Variants in ZNF280B observed in about 807,000 individuals in gnomAD.
The protein encoded by ZNF280B is zinc finger protein 280B.
A neutral mutation model predicts 38.0 loss-of-function variants in ZNF280B; 16 were observed. The observed-to-expected ratio is 0.42, with a 90% confidence interval of 0.28 to 0.64. The LOEUF (loss-of-function observed/expected upper bound fraction) is 0.64. Ranked by LOEUF, ZNF280B falls within the 30% of genes least tolerant of loss-of-function variation. The pLI, the probability that ZNF280B is intolerant of heterozygous loss-of-function variation, is 0.21. For synonymous variants in ZNF280B, 253 were observed against 230.6 expected (o/e 1.10, Z -0.88); for missense variants, 581 against 639.6 (o/e 0.91, Z 0.99).
intron 2 of ZNF280B, among the ~76,000 whole-genome samples, chr22:22,504,823 A>G (rs1453909421): frequency 6.6e-6 from 1 of 152,102 alleles, no homozygotes; most frequent in East Asian, 2.0e-4. Flanking sequence ...GAGAAAGGGA[A>G]GCATCAAGGT....
intron 3 of ZNF280B, among the ~76,000 whole-genome samples, chr22:22,491,338 T>A (rs1176263365): frequency 6.0e-5 from 9 of 150,460 alleles, no homozygotes; most frequent in South Asian, 2.1e-4. Context: ...AACCAATAGT[T>A]TAAAAAAAAA....
chr22:22,504,349 C>T (rs953810219), intron 2 of ZNF280B, among the ~76,000 whole-genome samples: 1 of 151,334 alleles, frequency 6.6e-6, no homozygotes, highest in Non-Finnish European at 1.5e-5. Context: ...ATTGCTTGAA[C>T]CCGGGAGGCA....
chr22:22,504,670 A>T (rs540784132), intron 2 of ZNF280B, among the ~76,000 whole-genome samples: 1 of 151,970 alleles, frequency 6.6e-6, no homozygotes, highest in Non-Finnish European at 1.5e-5. Context: ...GATGTTTGCT[A>T]TTTTAGTGGA....
intron 2 of ZNF280B, among the ~76,000 whole-genome samples, chr22:22,506,705 T>C (rs531839013): frequency 6.6e-6 from 1 of 152,032 alleles, no homozygotes; most frequent in African/African-American, 2.4e-5. Flanking sequence ...AACTTAACCC[T>C]AGACAAAGAG....
At position 22,485,622 on chromosome 22, in the gene ZNF280B, A is replaced by G. The variant is rs1421027027; in HGVS notation, c.*2145T>C. ...TTCTTTGTTATCTGTACTGCCTTCT[A>G]CTCTAAGAGGGATGCTAAGCTCTTA... On this transcript the variant is annotated 3_prime_UTR_variant, in exon 4 of 4. Transcript: ENST00000626650. 2 of 151,910 alleles carry G rather than the reference A, an allele frequency of 1.3e-5. No individual in the cohort carries two copies. Among genetic ancestry groups the G allele is most frequent in the Non-Finnish European group, 2.9e-5 (2 of 68,004 alleles). The allele number at this position is 151,910 out of a possible 1,614,324, so 9.4% of individuals were successfully genotyped here.
intron 3 of ZNF280B, 83 bp downstream of exon 3, chr22:22,493,980 G>A (rs2061647529): frequency 6.6e-6 from 1 of 151,684 alleles, no homozygotes; most frequent in Non-Finnish European, 1.5e-5. Flanking sequence ...GTGGCTTTGG[G>A]TAATAATCAG....
chr22:22,491,277 C>T (rs2061588212), intron 3 of ZNF280B, among the ~76,000 whole-genome samples: 1 of 151,504 alleles, frequency 6.6e-6, no homozygotes, highest in Admixed American at 6.6e-5. Flanking sequence ...ATTGGAAATT[C>T]CGTAGGCCAA....
intron 2 of ZNF280B, among the ~76,000 whole-genome samples, chr22:22,495,772 C>G (rs1436599436): frequency 6.6e-6 from 1 of 151,730 alleles, no homozygotes; most frequent in African/African-American, 2.4e-5. Context: ...AGTTACTCCC[C>G]TCCTAGACTC....
intron 3 of ZNF280B, among the ~76,000 whole-genome samples, chr22:22,492,515 A>G (rs73878496): frequency 0.02 from 3,030 of 152,006 alleles, 114 homozygotes; most frequent in African/African-American, 0.068. Context: ...CCCAAATCCA[A>G]TCTTCTCAGG....
chr22:22,499,014 T>A (rs1270281664), intron 2 of ZNF280B, among the ~76,000 whole-genome samples: 1 of 151,408 alleles, frequency 6.6e-6, no homozygotes, highest in African/African-American at 2.4e-5. Context: ...TTAGCCAGGA[T>A]GGTCTCAATC....
At chr22:22,499,465 C>A (rs2061772207) in intron 2 of ZNF280B, among the ~76,000 whole-genome samples, 1 of 151,708 alleles carries the variant, frequency 6.6e-6, no homozygotes, top group Non-Finnish European at 1.5e-5. Flanking sequence ...CATGGTTTCT[C>A]CATGCTGGTC....
intron 2 of ZNF280B, among the ~76,000 whole-genome samples, chr22:22,496,317 C>T (rs1045306808): frequency 2.6e-5 from 4 of 151,254 alleles, no homozygotes; most frequent in South Asian, 4.2e-4. Context: ...ACACTGGTCT[C>T]GAACTCCTGA....
rs371271074 is a variant in ZNF280B at position 22,498,503 on chromosome 22, AG to A, written c.-186-4324del. Among the ~76,000 whole-genome samples, 50 of 152,058 alleles carry A rather than the reference AG, an allele frequency of 3.3e-4. 1 individual carries two copies. In the East Asian group the frequency reaches 9.0e-3, roughly 27 times the overall value. ...AGATGAAACAAATTCCTAGAAAGAC[AG>A]GAACTAATGAACTGACTCAAGAACA... On this transcript the variant is annotated intron_variant, in intron 2 of 3. Coordinates refer to ENST00000626650, the MANE Select transcript of ZNF280B (RefSeq NM_080764.4).
intron 3 of ZNF280B, among the ~76,000 whole-genome samples, chr22:22,491,860 A>G (rs867639114): frequency 6.6e-5 from 10 of 151,992 alleles, no homozygotes; most frequent in Admixed American, 2.0e-4. Context: ...AAACTGGTCT[A>G]ATGCTAGCAA....
chr22:22,494,320 T>C (rs1318119084), intron 2 of ZNF280B, 140 bp from the exon 3 acceptor site: 4 of 151,970 alleles, frequency 2.6e-5, no homozygotes, highest in Non-Finnish European at 5.9e-5. Context: ...TTGTCCATAC[T>C]GATTAACCCT....
chr22:22,503,455 C>T (rs944689392), intron 2 of ZNF280B, among the ~76,000 whole-genome samples: 27 of 151,960 alleles, frequency 1.8e-4, no homozygotes, highest in Non-Finnish European at 2.9e-5. Context: ...CCAACAACTG[C>T]TGCTAAATTT....
At chr22:22,497,205 C>CT (rs1450917771) in intron 2 of ZNF280B, among the ~76,000 whole-genome samples, 2 of 88,382 alleles carry the variant, frequency 2.3e-5, no homozygotes, top group South Asian at 4.9e-4. Flanking sequence ...TGGTCTCCAT[C>CT]TTTAAAAAAA....
intron 2 of ZNF280B, among the ~76,000 whole-genome samples, chr22:22,501,327 G>A (rs1024718084): frequency 1.6e-4 from 25 of 151,970 alleles, no homozygotes; most frequent in Non-Finnish European, 3.2e-4. Flanking sequence ...CACTCTGGGA[G>A]GCCAAGGTGG....
At chr22:22,493,298 T>A (rs1392422068) in intron 3 of ZNF280B, among the ~76,000 whole-genome samples, 1 of 151,944 alleles carries the variant, frequency 6.6e-6, no homozygotes, top group African/African-American at 2.4e-5. Context: ...TAAGCCACCA[T>A]GCCCGGCCAA....
Sources: gnomAD v4.1 joint callset for allele counts (sites outside exome capture counted in the v4.1 genomes callset) on GRCh38, gnomAD v4.1.1 for gene constraint, MANE v1.5 for transcripts, NCBI Gene and HGNC (gene_info 2026-07-23, HGNC 2026-07-21) for gene names.